Variants in NRP2 observed in about 807,000 individuals in gnomAD.
NRP2 encodes neuropilin-2.
A neutral mutation model predicts 110.4 loss-of-function variants in NRP2; 52 were observed. The observed-to-expected ratio is 0.47, with a 90% CI of 0.38 to 0.59. The LOEUF (loss-of-function observed/expected upper bound fraction) is 0.59, where lower values mean the gene tolerates loss of function less well. NRP2 is among the 20% of genes least tolerant of loss of function. The pLI is 0.00. For synonymous variants in NRP2, 508 were observed against 468.9 expected, an observed-to-expected ratio of 1.08 and a Z score of -1.08; for missense variants, 1,049 against 1,203.0, an observed-to-expected ratio of 0.87 and a Z score of 1.89.
intron 15 of NRP2, chr2:205,776,377 G>T (rs1483039179): frequency 8.1e-6 from 13 of 1,613,312 alleles, no homozygotes; most frequent in Non-Finnish European, 9.3e-6. Context: ...GCTGGCCCTG[G>T]TGCTCCACTA....
chr2:205,731,353 C>T (rs2057235196), intron 7 of NRP2, among the ~76,000 whole-genome samples: 1 of 152,188 alleles, frequency 6.6e-6, no homozygotes, highest in African/African-American at 2.4e-5. Context: ...GTAGAAGGTT[C>T]ATGTATGTTT....
At chr2:205,717,702 C>T (rs1032440738) in intron 3 of NRP2, among the ~76,000 whole-genome samples, 8 of 152,170 alleles carry the variant, frequency 5.3e-5, no homozygotes, top group African/African-American at 1.7e-4. Context: ...TGTTGTGAGG[C>T]CCCTGAATAG....
chr2:205,770,997 C>T (rs2058014293), intron 15 of NRP2, among the ~76,000 whole-genome samples: 1 of 152,202 alleles, frequency 6.6e-6, no homozygotes, highest in East Asian at 1.9e-4. Context: ...CCGAGGCCAG[C>T]TTATCTATGG....
chr2:205,695,256 T>C (rs1161125310), intron 1 of NRP2, among the ~76,000 whole-genome samples: 8 of 152,240 alleles, frequency 5.3e-5, no homozygotes. Flanking sequence ...CAGCAGACAG[T>C]ACAGACTATC....
intron 7 of NRP2, among the ~76,000 whole-genome samples, chr2:205,733,297 C>T (rs576267870): frequency 6.6e-6 from 1 of 152,130 alleles, no homozygotes; most frequent in Non-Finnish European, 1.5e-5. Context: ...GCCTCCCTGG[C>T]GCTGATAGCC....
At chr2:205,723,209 A>G (rs185752010) in intron 4 of NRP2, among the ~76,000 whole-genome samples, 1 of 152,346 alleles carries the variant, frequency 6.6e-6, no homozygotes, top group East Asian at 1.9e-4. Flanking sequence ...AATATTGAAA[A>G]GGTACATCAC....
intron 2 of NRP2, among the ~76,000 whole-genome samples, chr2:205,704,847 AC>A (rs1465330568): frequency 1.3e-5 from 2 of 152,064 alleles, no homozygotes; most frequent in African/African-American, 2.4e-5. Context: ...CCTTCTCCGA[AC>A]CCAGAGATCC....
chr2:205,700,950 G>T (rs185745521), intron 2 of NRP2: 3 of 321,082 alleles, frequency 9.3e-6, no homozygotes, highest in Non-Finnish European at 1.9e-5. Context: ...ACTACGGGCC[G>T]TCTGGGCAAA....
Position 205,734,406 on chromosome 2 carries a change from C to A in NRP2, c.1147-6113C>A, listed in dbSNP as rs73064199. On this transcript the variant is annotated intron_variant, in intron 7 of 16. Coordinates refer to ENST00000357785, the MANE Select transcript of NRP2 (RefSeq NM_003872.3). ...TTCATATCATTTCCCACCGCCCCCCCCCACCCCGCATCGCAACAGTTCCCT... is the reference window on the plus strand; with the variant it reads ...TTCATATCATTTCCCACCGCCCCCCACCACCCCGCATCGCAACAGTTCCCT... Among the ~76,000 whole-genome samples, 706 of 149,962 alleles carry A rather than the reference C, an allele frequency of 4.7e-3. 11 individuals carry two copies. Among genetic ancestry groups the A allele is most frequent in the African/African-American group, 0.017 (679 of 40,302 alleles).
At position 205,757,897 on chromosome 2, in the gene NRP2, C is replaced by G. The variant is rs2057758505; in HGVS notation, c.2044+4922C>G. ...ACAGCAGGAAGAAGCTTTCTTTACC[C>G]TTTTTTTTTTTTTCCTGCAAATCAT... On this transcript the variant is annotated intron_variant, in intron 12 of 16. Transcript: ENST00000357785. 3.4e-5 allele frequency among the ~76,000 whole-genome samples: 5 copies of G among 148,532 alleles called. No individual in the cohort carries two copies. The South Asian group carries it at 8.6e-4, about 26-fold the overall frequency.
At chr2:205,743,075 T>C (rs1443274205) in intron 8 of NRP2, 128 bp from the exon 9 acceptor site, 21 of 1,566,050 alleles carry the variant, frequency 1.3e-5, no homozygotes, top group South Asian at 1.3e-4. Context: ...ACATTCACCA[T>C]GCAAAGAAAT....
intron 12 of NRP2, among the ~76,000 whole-genome samples, chr2:205,755,813 C>T (rs1283099088): frequency 6.6e-6 from 1 of 151,998 alleles, no homozygotes; most frequent in Non-Finnish European, 1.5e-5. Context: ...TGCTTCATCC[C>T]CTGATGAGAT....
chr2:205,790,016 A>T (rs186010940), intron 15 of NRP2, among the ~76,000 whole-genome samples: 26 of 152,232 alleles, frequency 1.7e-4, no homozygotes, highest in African/African-American at 6.3e-4. Flanking sequence ...TGGTGAACAG[A>T]TGTGCTTTTG....
intron 9 of NRP2, among the ~76,000 whole-genome samples, chr2:205,745,400 T>TC (rs748455150): frequency 1.4e-3 from 207 of 152,130 alleles, no homozygotes; most frequent in Non-Finnish European, 2.3e-3. Flanking sequence ...CAAACTGCCT[T>TC]CCCCCCTCTC....
At chr2:205,786,988 G>T (rs2058243106) in intron 15 of NRP2, among the ~76,000 whole-genome samples, 2 of 152,124 alleles carry the variant, frequency 1.3e-5, no homozygotes, top group African/African-American at 4.8e-5. Flanking sequence ...TGGGGCAATG[G>T]AGCCCTTTTG....
chr2:205,769,984 G>T (rs1374957769), intron 15 of NRP2, among the ~76,000 whole-genome samples: 1 of 152,154 alleles, frequency 6.6e-6, no homozygotes, highest in African/African-American at 2.4e-5. Flanking sequence ...TTGACCAGGT[G>T]GTTATTTTTA....
chr2:205,730,212 G>A (rs926289501), intron 7 of NRP2, among the ~76,000 whole-genome samples: 16 of 152,192 alleles, frequency 1.1e-4, no homozygotes, highest in South Asian at 4.2e-4. Context: ...CAGATCTTTC[G>A]TTCAGATATC....
At chr2:205,724,579 A>G (rs546265691) in intron 5 of NRP2, among the ~76,000 whole-genome samples, 1 of 152,026 alleles carries the variant, frequency 6.6e-6, no homozygotes, top group Non-Finnish European at 1.5e-5. Context: ...GCACTGAGCA[A>G]CATCTTCAAA....
chr2:205,766,852 C>A, intron 15 of NRP2, 49 bp downstream of exon 15: 1 of 1,565,680 alleles, frequency 6.4e-7, no homozygotes, highest in Non-Finnish European at 8.7e-7. Flanking sequence ...ATGCTTTTTC[C>A]TTCCCCCATG....
Sources: gnomAD v4.1 joint callset for allele counts (sites outside exome capture counted in the v4.1 genomes callset) on GRCh38, gnomAD v4.1.1 for gene constraint, MANE v1.5 for transcripts, NCBI Gene and HGNC (gene_info 2026-07-23, HGNC 2026-07-21) for gene names.